Variants in FSTL4 observed in about 807,000 individuals in gnomAD.
FSTL4 encodes follistatin like 4.
FSTL4 carries 28 observed loss-of-function variants against 78.2 expected under a neutral mutation model. The observed-to-expected ratio is 0.36, with a 90% confidence interval of 0.27 to 0.49. FSTL4 has a LOEUF of 0.49. FSTL4 is among the 20% of genes least tolerant of loss of function. FSTL4 has a pLI of 0.98. For missense variants in FSTL4, 922 were observed against 1,084.9 expected (o/e 0.85, Z 2.11); for synonymous variants, 422 against 440.5 (o/e 0.96, Z 0.53).
the FSTL4 span, among the ~76,000 whole-genome samples, chr5:133,716,605 C>G: frequency 6.6e-6 from 1 of 152,110 alleles, no homozygotes; most frequent in Non-Finnish European, 1.5e-5. Context: ...TTGGAGGGTG[C>G]TTGTCACTGT....
intron 3 of FSTL4, among the ~76,000 whole-genome samples, chr5:133,412,563 A>C (rs1388692957): frequency 6.6e-6 from 1 of 152,162 alleles, no homozygotes; most frequent in Non-Finnish European, 1.5e-5. Flanking sequence ...GTAGACAGAA[A>C]AGAACACTTA....
chr5:133,811,980 G>GT, the FSTL4 span, among the ~76,000 whole-genome samples: 3 of 152,086 alleles, frequency 2.0e-5, no homozygotes, highest in African/African-American at 7.2e-5. Context: ...ATTCCCACCT[G>GT]TTGCAGAATT....
chr5:133,644,360 G>A, the FSTL4 span, among the ~76,000 whole-genome samples: 8 of 151,848 alleles, frequency 5.3e-5, no homozygotes, highest in East Asian at 1.9e-4. Flanking sequence ...GAACTGAACC[G>A]TGAAACCCAC....
the FSTL4 span, among the ~76,000 whole-genome samples, chr5:133,778,423 A>G: frequency 1.3e-5 from 2 of 152,264 alleles, no homozygotes; most frequent in East Asian, 1.9e-4. Context: ...TGGAAAAAAC[A>G]TAACTTAGAA....
intron 3 of FSTL4, 66 bp downstream of exon 3, chr5:133,567,120 T>G: frequency 3.4e-6 from 4 of 1,159,976 alleles, no homozygotes; most frequent in Non-Finnish European, 5.2e-6. Context: ...TTCATCTTAG[T>G]TTCAGCAAAC....
At chr5:133,239,708 G>C (rs13153435) in intron 7 of FSTL4, among the ~76,000 whole-genome samples, 1 of 152,174 alleles carries the variant, frequency 6.6e-6, no homozygotes, top group Admixed American at 6.5e-5. Flanking sequence ...TCTAGCTCAG[G>C]GTTTGTGAAT....
chr5:133,262,907 GTTGGGACA>G (rs1235606716), intron 6 of FSTL4, among the ~76,000 whole-genome samples: 4 of 151,868 alleles, frequency 2.6e-5, no homozygotes, highest in African/African-American at 7.3e-5. Flanking sequence ...GGCTGAGGGT[GTTGGGACA>G]ACACTCTGTT....
At chr5:133,392,558 G>T (rs796641975) in intron 4 of FSTL4, among the ~76,000 whole-genome samples, 24 of 152,320 alleles carry the variant, frequency 1.6e-4, no homozygotes, top group African/African-American at 5.3e-4. Flanking sequence ...GGAGCTAGGT[G>T]CAGACCCTAG....
intron 6 of FSTL4, among the ~76,000 whole-genome samples, chr5:133,298,181 T>C (rs1312771215): frequency 6.6e-6 from 1 of 152,232 alleles, no homozygotes; most frequent in African/African-American, 2.4e-5. Context: ...TCCTCTCTCA[T>C]AGATTGCTGC....
In FSTL4 at chr5:133,440,698, G is replaced by A. The variant is rs377065866; in HGVS notation, c.161-39712C>T. 6.6e-6 allele frequency among the ~76,000 whole-genome samples: 1 copy of A among 152,156 alleles called. No homozygotes were observed. Among genetic ancestry groups the A allele is most frequent in the Non-Finnish European group, 1.5e-5 (1 of 68,026 alleles). On this transcript the variant is annotated intron_variant, in intron 3 of 15. Coordinates refer to ENST00000265342, the MANE Select transcript of FSTL4 (RefSeq NM_015082.2). The surrounding 1 kb of genome is among the most constrained non-coding windows in gnomAD (Gnocchi z 4.1). ...GAGAGGCCTGGGAATGTCCAAGCAGGGGGAAGAGAAGACAGTGGAGACTGC... is the reference window on the plus strand; with the variant it reads ...GAGAGGCCTGGGAATGTCCAAGCAGAGGGAAGAGAAGACAGTGGAGACTGC...
intron 3 of FSTL4, among the ~76,000 whole-genome samples, chr5:133,530,398 G>A (rs1759226938): frequency 6.6e-6 from 1 of 152,206 alleles, no homozygotes; most frequent in South Asian, 2.1e-4. Flanking sequence ...CACCTTCGCT[G>A]CCTGCTCAGG....
chr5:133,508,013 T>C (rs1393727555), intron 3 of FSTL4, among the ~76,000 whole-genome samples: 1 of 152,160 alleles, frequency 6.6e-6, no homozygotes, highest in Non-Finnish European at 1.5e-5. Context: ...GATGTCATCA[T>C]TGTGCAAAAT....
At chr5:133,350,746 G>T (rs901581777) in intron 4 of FSTL4, among the ~76,000 whole-genome samples, 1 of 152,144 alleles carries the variant, frequency 6.6e-6, no homozygotes, top group Non-Finnish European at 1.5e-5. Context: ...CCATCCCCTG[G>T]GTGTGGCCCT....
chr5:133,795,976 C>T, the FSTL4 span, among the ~76,000 whole-genome samples: 1 of 152,204 alleles, frequency 6.6e-6, no homozygotes, highest in African/African-American at 2.4e-5. Flanking sequence ...GCTCAGTGTC[C>T]AACGTCCCTG....
the FSTL4 span, among the ~76,000 whole-genome samples, chr5:133,749,691 A>T: frequency 6.6e-6 from 1 of 152,196 alleles, no homozygotes; most frequent in African/African-American, 2.4e-5. Context: ...GTTTCACTGA[A>T]GAGGGGACAG....
At chr5:133,774,195 G>C in the FSTL4 span, among the ~76,000 whole-genome samples, 14 of 152,194 alleles carry the variant, frequency 9.2e-5, no homozygotes, top group African/African-American at 3.1e-4. Flanking sequence ...ATCATCTGTA[G>C]TTGCAGAACA....
chr5:133,334,720 T>C (rs1373351422), intron 4 of FSTL4, among the ~76,000 whole-genome samples: 3 of 152,140 alleles, frequency 2.0e-5, no homozygotes, highest in African/African-American at 4.8e-5. Context: ...AGCCCAGGCC[T>C]AGGTACATGG....
rs1245594508 is a variant in FSTL4 at position 133,440,058 on chromosome 5, T to C, written c.161-39072A>G. ...AGAGCCCTGGGGGTGGGGGACATGC[T>C]GGGGTCGGGAGGAAGGAAAGGAAGA... On this transcript the variant is annotated intron_variant, in intron 3 of 15. Transcript: ENST00000265342. The surrounding 1 kb of genome is among the most constrained non-coding windows in gnomAD (Gnocchi z 4.1). Among the ~76,000 whole-genome samples the C allele has an allele frequency of 6.6e-6, 1 of 151,970 alleles. No homozygotes were observed. The highest frequency in any genetic ancestry group is 1.5e-5 in the Non-Finnish European group (1 of 67,972).
At chr5:133,251,576 T>C (rs2126824912) in intron 6 of FSTL4, among the ~76,000 whole-genome samples, 1 of 152,220 alleles carries the variant, frequency 6.6e-6, no homozygotes, top group South Asian at 2.1e-4. Context: ...ATCTCCTGTC[T>C]TACCCCTCCC....
Sources: gnomAD v4.1 joint callset for allele counts (sites outside exome capture counted in the v4.1 genomes callset) on GRCh38, gnomAD v4.1.1 for gene constraint, Gnocchi (gnomAD v3.1) non-coding constraint, MANE v1.5 for transcripts, NCBI Gene and HGNC (gene_info 2026-07-23, HGNC 2026-07-21) for gene names.